FCRL3: variants seen among roughly 807,000 people sequenced by gnomAD.
The protein encoded by FCRL3 is Fc receptor-like protein 3.
FCRL3 carries 89 observed loss-of-function variants against 75.0 expected under a neutral mutation model. The ratio of observed to expected loss-of-function variants is 1.19; its 90% CI spans 1.00 to 1.42. The LOEUF is 1.42. Ranked by LOEUF, FCRL3 falls within the 40% of genes most tolerant of loss-of-function variation. The pLI, the probability that FCRL3 is intolerant of heterozygous loss-of-function variation, is 0.00. For synonymous variants in FCRL3, 376 were observed against 348.5 expected (o/e 1.08, Z -0.88); for missense variants, 946 against 880.0 (o/e 1.07, Z -0.95).
chr1:157,694,857 G>T (rs941252593), intron 8 of FCRL3, among the ~76,000 whole-genome samples: 8 of 152,164 alleles, frequency 5.3e-5, no homozygotes, highest in Admixed American at 1.3e-4. Flanking sequence ...GGCTGACAGA[G>T]AACCCACAGA....
At position 157,679,830 on chromosome 1, in the gene FCRL3, C is replaced by CAAAAAAAAAAAAAAAAAAAAA. The variant is rs1166825112; in HGVS notation, c.2026+851_2027-858dup. 6.0e-5 allele frequency among the ~76,000 whole-genome samples: 3 copies of CAAAAAAAAAAAAAAAAAAAAA among 49,902 alleles called. 1 individual carries two copies. The highest frequency in any genetic ancestry group is 1.8e-4 in the African/African-American group (2 of 10,932). 32.7% of individuals were successfully genotyped at this position (49,902 alleles called of 152,430 possible). On this transcript the variant is annotated intron_variant, in intron 13 of 14. Transcript: ENST00000368184. Reference sequence around the variant, plus strand: ...GGCGACAGAACGAGACCCCATCTCACAAAAAAAAAAAAAAAAAAAAAAAAA... The same window carrying CAAAAAAAAAAAAAAAAAAAAA: ...GGCGACAGAACGAGACCCCATCTCACAAAAAAAAAAAAAAAAAAAAAAAAAAAAAAAAAAAAAAAAAAAAAA...
chr1:157,680,874 C>T (rs1654793126), intron 12 of FCRL3, 104 bp from the exon 13 acceptor site: 1 of 1,434,794 alleles, frequency 7.0e-7, no homozygotes, highest in South Asian at 1.2e-5. Context: ...CAGTGTAATG[C>T]TAGGAATGTC....
At chr1:157,697,947 G>A (rs370397712) in intron 4 of FCRL3, 28 bp from the exon 5 acceptor site, 2 of 1,605,954 alleles carry the variant, frequency 1.2e-6, no homozygotes, top group African/African-American at 1.3e-5. Context: ...GCACACTCAG[G>A]TTATCCCCTG....
chr1:157,678,136 T>C lies in FCRL3; in HGVS notation c.*574A>G. The stretch of plus-strand genomic sequence containing the variant: ...GAAATGCTGAAGTTATTTTTCATCA[T>C]AACTAGGGTAATTTGGTTGGGAATG... On this transcript the variant is annotated 3_prime_UTR_variant, in exon 15 of 15. Transcript: ENST00000368184. 1.0e-6 allele frequency: 1 copy of C among 986,180 alleles called. No individual in the cohort carries two copies. The highest frequency in any genetic ancestry group is 1.2e-6 in the Non-Finnish European group (1 of 830,542). 61.1% of individuals were successfully genotyped at this position (986,180 alleles called of 1,614,324 possible).
Position 157,676,594 on chromosome 1 carries a change from T to A in FCRL3, c.*2116A>T, listed in dbSNP as rs747839060. On this transcript the variant is annotated 3_prime_UTR_variant, in exon 15 of 15. Transcript: ENST00000368184. ...CAAAGATAAAAGTCAAGTAGAGCACTGCATGAGAATAATTCATTTTACAGG... is the reference window on the plus strand; with the variant it reads ...CAAAGATAAAAGTCAAGTAGAGCACAGCATGAGAATAATTCATTTTACAGG... 41 of 964,022 alleles carry A rather than the reference T, an allele frequency of 4.3e-5. No individual in the cohort carries two copies. Among genetic ancestry groups the A allele is most frequent in the Middle Eastern group, 2.1e-4 (1 of 4,664 alleles). The allele number at this position is 964,022 out of a possible 1,614,324, so 59.7% of individuals were successfully genotyped here. A position where few individuals can be genotyped will look rare whatever the true frequency, so the allele number is the denominator to read the frequency against.
chr1:157,689,555 T>G (rs1348255921), intron 10 of FCRL3, among the ~76,000 whole-genome samples: 1 of 152,214 alleles, frequency 6.6e-6, no homozygotes, highest in Admixed American at 6.5e-5. Flanking sequence ...TTTCTAATTT[T>G]TAATTGGAAG....
intron 3 of FCRL3, among the ~76,000 whole-genome samples, chr1:157,699,064 A>T (rs1656146250): frequency 6.6e-6 from 1 of 152,232 alleles, no homozygotes; most frequent in Admixed American, 6.5e-5. Context: ...AAAATGAATA[A>T]GATTTTCTCA....
intron 11 of FCRL3, among the ~76,000 whole-genome samples, chr1:157,681,711 A>C (rs533672670): frequency 6.6e-6 from 1 of 152,084 alleles, no homozygotes; most frequent in Non-Finnish European, 1.5e-5. Flanking sequence ...ATATGTATGC[A>C]TGTGTCTTTA....
intron 8 of FCRL3, among the ~76,000 whole-genome samples, chr1:157,693,738 C>T (rs113247934): frequency 1.3e-5 from 1 of 78,036 alleles, no homozygotes; most frequent in African/African-American, 5.5e-5. Context: ...CTCTCTCTCT[C>T]TCTCTCTTTC....
chr1:157,682,513 T>C (rs1654915415), intron 11 of FCRL3, among the ~76,000 whole-genome samples: 2 of 152,322 alleles, frequency 1.3e-5, no homozygotes, highest in Middle Eastern at 6.8e-3. Flanking sequence ...AGAAGACTTA[T>C]GGCACAAGGT....
chr1:157,688,053 A>G (rs1379386732), intron 10 of FCRL3, among the ~76,000 whole-genome samples: 1 of 152,136 alleles, frequency 6.6e-6, no homozygotes, highest in Admixed American at 6.5e-5. Context: ...GATGTGACAA[A>G]TAGAAAGCAA....
intron 10 of FCRL3, among the ~76,000 whole-genome samples, chr1:157,685,852 G>A (rs928563819): frequency 6.6e-6 from 1 of 151,930 alleles, no homozygotes; most frequent in Non-Finnish European, 1.5e-5. Flanking sequence ...AATAACTCCT[G>A]GGTAAAGATA....
chr1:157,676,490 C>T lies in FCRL3; in HGVS notation c.*2220G>A. 1 of 448,904 alleles carries T rather than the reference C, an allele frequency of 2.2e-6. No individual in the cohort carries two copies. The highest frequency in any genetic ancestry group is 4.0e-6 in the Non-Finnish European group (1 of 249,194). The allele number at this position is 448,904 out of a possible 1,614,324, so 27.8% of individuals were successfully genotyped here. A position where few individuals can be genotyped will look rare whatever the true frequency, so the allele number is the denominator to read the frequency against. On this transcript the variant is annotated 3_prime_UTR_variant, in exon 15 of 15. Coordinates refer to ENST00000368184, the MANE Select transcript of FCRL3 (RefSeq NM_052939.4). ...AGACAGTGGAAACTGGTACTTTTTC[C>T]AATGGTCTTTTATTTTCAAAGGCTC...
chr1:157,677,901 G>T lies in FCRL3; in HGVS notation c.*809C>A, dbSNP rs140070795. 4.6e-3 allele frequency: 4,311 copies of T among 946,502 alleles called. 147 individuals carry two copies. In the African/African-American group the frequency reaches 0.069, roughly 15 times the overall value. The allele number at this position is 946,502 out of a possible 1,614,324, so 58.6% of individuals were successfully genotyped here. On this transcript the variant is annotated 3_prime_UTR_variant, in exon 15 of 15. Coordinates refer to ENST00000368184, the MANE Select transcript of FCRL3 (RefSeq NM_052939.4). ...TCAGATGGAGTGAGGTAGAGGAAGAGAATGGGAGAAGCCACATAGATATAG... is the reference window on the plus strand; with the variant it reads ...TCAGATGGAGTGAGGTAGAGGAAGATAATGGGAGAAGCCACATAGATATAG...
At chr1:157,698,679 GGCACA>G (rs777379882) in intron 3 of FCRL3, 50 bp from the exon 4 acceptor site, 188 of 1,602,062 alleles carry the variant, frequency 1.2e-4, no homozygotes, top group Non-Finnish European at 1.5e-4. Context: ...ATGGGAGGTG[GGCACA>G]GCACATGGGG....
At position 157,676,640 on chromosome 1, in the gene FCRL3, C is replaced by T. The variant is rs1220454862; in HGVS notation, c.*2070G>A. Reference sequence around the variant, plus strand: ...ACAGGGCAATCAATCAGAATTTGCACATTTGTTATATCCGAGATGTACAGT... The same window carrying T: ...ACAGGGCAATCAATCAGAATTTGCATATTTGTTATATCCGAGATGTACAGT... On this transcript the variant is annotated 3_prime_UTR_variant, in exon 15 of 15. Transcript: ENST00000368184. 2.2e-6 allele frequency: 3 copies of T among 1,379,312 alleles called. No individual in the cohort carries two copies. The highest frequency in any genetic ancestry group is 3.0e-6 in the Non-Finnish European group (3 of 995,412). The allele number at this position is 1,379,312 out of a possible 1,614,324, so 85.4% of individuals were successfully genotyped here.
intron 9 of FCRL3, 66 bp from the exon 10 acceptor site, chr1:157,689,983 AGTAGGGTGAGTGT>A: frequency 6.3e-7 from 1 of 1,599,998 alleles, no homozygotes; most frequent in Admixed American, 1.7e-5. Flanking sequence ...AAATCATGCA[AGTAGGGTGAGTGT>A]GTTCCAGTTT....
chr1:157,690,243 C>G lies in FCRL3; in HGVS notation c.1690+12G>C. ...ATAACTGTGACCTCTAGCCCAGGTA[C>G]TATTAACACACCTGTAACATTGAGT... On this transcript the variant is annotated intron_variant, in intron 9 of 14. Transcript: ENST00000368184. The G allele has an allele frequency of 6.2e-7, 1 of 1,613,422 alleles. No individual in the cohort carries two copies. Among genetic ancestry groups the G allele is most frequent in the Non-Finnish European group, 8.5e-7 (1 of 1,179,440 alleles).
intron 10 of FCRL3, among the ~76,000 whole-genome samples, chr1:157,688,500 C>T (rs982428692): frequency 6.6e-5 from 10 of 151,534 alleles, no homozygotes; most frequent in African/African-American, 2.2e-4. Flanking sequence ...ATTTTAATTC[C>T]CCTATCTCAG....
Sources: gnomAD v4.1 joint callset for allele counts (sites outside exome capture counted in the v4.1 genomes callset) on GRCh38, gnomAD v4.1.1 for gene constraint, MANE v1.5 for transcripts, NCBI Gene and HGNC (gene_info 2026-07-23, HGNC 2026-07-21) for gene names.